PLXNC1: variants seen among roughly 807,000 people sequenced by gnomAD.
PLXNC1 encodes the protein plexin C1, also known as plexin-C1.
In PLXNC1, 75 loss-of-function variants were observed where a neutral mutation model predicts 178.2. That is an observed-to-expected ratio of 0.42 (90% CI 0.35 to 0.51). The LOEUF is 0.51. Among genes scored for constraint, PLXNC1 ranks in the 20% least tolerant of loss-of-function variants. PLXNC1 has a pLI of 0.02. For missense variants in PLXNC1, 1,503 were observed against 1,984.4 expected, an observed-to-expected ratio of 0.76 and a Z score of 4.61; for synonymous variants, 790 against 779.9, an observed-to-expected ratio of 1.01 and a Z score of -0.22.
chr12:94,187,964 G>A (rs953690367), intron 4 of PLXNC1, among the ~76,000 whole-genome samples: 2 of 152,066 alleles, frequency 1.3e-5, no homozygotes, highest in Non-Finnish European at 2.9e-5. Flanking sequence ...TGGGGAGAAG[G>A]AGGGGAAACA....
At chr12:94,212,485 C>A (rs2136006500) in intron 5 of PLXNC1, among the ~76,000 whole-genome samples, 1 of 150,650 alleles carries the variant, frequency 6.6e-6, no homozygotes, top group South Asian at 2.1e-4. Context: ...AGCCCCCCAC[C>A]CCCCGGCAGG....
intron 9 of PLXNC1, among the ~76,000 whole-genome samples, chr12:94,237,189 T>C (rs1360660803): frequency 6.6e-6 from 1 of 152,224 alleles, no homozygotes; most frequent in Admixed American, 6.5e-5. Context: ...TGGATTCAAA[T>C]AGCCTCACTG....
At chr12:94,280,183 T>C (rs1305321430) in intron 22 of PLXNC1, 1 of 220,222 alleles carries the variant, frequency 4.5e-6, no homozygotes, top group Non-Finnish European at 9.2e-6. Flanking sequence ...TATGAATTCA[T>C]TTTCGGGCTC....
In PLXNC1 at chr12:94,156,564, T is replaced by G. The variant is rs1161009612; in HGVS notation, c.1062+6531T>G. 2.0e-5 allele frequency among the ~76,000 whole-genome samples: 3 copies of G among 150,384 alleles called. No individual in the cohort carries two copies. In the Admixed American group the frequency reaches 2.0e-4, roughly 10 times the overall value. The stretch of plus-strand genomic sequence containing the variant: ...ACAATCTCGGCTCACTGCAACTACC[T>G]CCTCCTGGATTCAAGCGATTCTCCT... On this transcript the variant is annotated intron_variant, in intron 1 of 30. Transcript: ENST00000258526.
intron 7 of PLXNC1, 132 bp downstream of exon 7, chr12:94,224,447 T>C: frequency 6.0e-6 from 4 of 669,796 alleles, no homozygotes; most frequent in Admixed American, 2.1e-5. Flanking sequence ...CATGGTGTAA[T>C]GGGAGATAGG....
In PLXNC1 at chr12:94,301,683, G is replaced by T. The variant is rs141560812; in HGVS notation, c.4386+626G>T. On this transcript the variant is annotated intron_variant, in intron 28 of 30. Coordinates refer to ENST00000258526, the MANE Select transcript of PLXNC1 (RefSeq NM_005761.3). ...TAATGGATCTTTGAACACTGAGGAG[G>T]AGTTCTTGGGCAGGACTTTAAGAGT... Among the ~76,000 whole-genome samples, 121 of 152,306 alleles carry T rather than the reference G, an allele frequency of 7.9e-4. 1 individual carries two copies. In the East Asian group the frequency reaches 0.022, roughly 28 times the overall value.
chr12:94,181,938 T>G (rs1379291227), intron 3 of PLXNC1, among the ~76,000 whole-genome samples: 2 of 152,148 alleles, frequency 1.3e-5, no homozygotes, highest in African/African-American at 4.8e-5. Context: ...CCAATGGGAC[T>G]GGCTTTGGAA....
chr12:94,187,710 A>T (rs1962568909), intron 4 of PLXNC1, among the ~76,000 whole-genome samples: 1 of 152,148 alleles, frequency 6.6e-6, no homozygotes, highest in Non-Finnish European at 1.5e-5. Context: ...TGTGTACAGG[A>T]GTCAATTCGA....
chr12:94,288,677 C>A (rs1178560047), intron 23 of PLXNC1, among the ~76,000 whole-genome samples: 1 of 152,224 alleles, frequency 6.6e-6, no homozygotes, highest in Admixed American at 6.5e-5. Context: ...CAAGGTTATC[C>A]CTCAAGCCCT....
At chr12:94,221,815 C>T (rs539852901) in intron 6 of PLXNC1, among the ~76,000 whole-genome samples, 24 of 152,274 alleles carry the variant, frequency 1.6e-4, no homozygotes, top group African/African-American at 5.8e-4. Flanking sequence ...TCTCTTAAGC[C>T]TCTTCTATAA....
At chr12:94,171,360 G>T (rs1319894312) in intron 2 of PLXNC1, among the ~76,000 whole-genome samples, 1 of 152,164 alleles carries the variant, frequency 6.6e-6, no homozygotes, top group African/African-American at 2.4e-5. Flanking sequence ...GCTTTTTGTT[G>T]TTTGTTTTGT....
chr12:94,224,192 T>C (rs1364574626), intron 6 of PLXNC1, 36 bp from the exon 7 acceptor site: 7 of 1,193,856 alleles, frequency 5.9e-6, no homozygotes, highest in Admixed American at 1.7e-5. Flanking sequence ...ATAGCAGGAC[T>C]CCACCGTAAA....
chr12:94,254,283 T>G (rs964395065), intron 15 of PLXNC1, among the ~76,000 whole-genome samples: 1 of 152,232 alleles, frequency 6.6e-6, no homozygotes, highest in African/African-American at 2.4e-5. Flanking sequence ...GAGTTCCTTG[T>G]GGCTCGCTCA....
chr12:94,178,496 A>G (rs147159120), intron 2 of PLXNC1, among the ~76,000 whole-genome samples: 4 of 152,294 alleles, frequency 2.6e-5, no homozygotes, highest in African/African-American at 9.6e-5. Flanking sequence ...CTCTTTCCCT[A>G]TACAACTGCT....
At chr12:94,160,112 A>C (rs1961323660) in intron 1 of PLXNC1, among the ~76,000 whole-genome samples, 1 of 152,128 alleles carries the variant, frequency 6.6e-6, no homozygotes, top group African/African-American at 2.4e-5. Flanking sequence ...CCACTCTATA[A>C]ACCTTAGAGT....
intron 2 of PLXNC1, among the ~76,000 whole-genome samples, chr12:94,173,669 C>A (rs577844845): frequency 5.3e-5 from 8 of 152,290 alleles, no homozygotes; most frequent in Middle Eastern, 3.4e-3. Context: ...GCTTCTATCC[C>A]CCAACTAAAC....
intron 21 of PLXNC1, among the ~76,000 whole-genome samples, chr12:94,266,730 G>A (rs1384548342): frequency 6.6e-6 from 1 of 152,198 alleles, no homozygotes; most frequent in Non-Finnish European, 1.5e-5. Context: ...TGGAAATGAT[G>A]GTCATGGTTC....
chr12:94,227,356 T>C, intron 9 of PLXNC1, 121 bp downstream of exon 9: 1 of 597,332 alleles, frequency 1.7e-6, no homozygotes, highest in Non-Finnish European at 3.0e-6. Context: ...CAAAATTCCC[T>C]TTTGTGTCTT....
chr12:94,305,149 A>G, intron 30 of PLXNC1, 32 bp from the exon 31 acceptor site: 1 of 1,410,726 alleles, frequency 7.1e-7, no homozygotes. Context: ...TAAAACCACA[A>G]TATCTAAAAT....
Sources: allele counts gnomAD v4.1 joint callset (sites outside exome capture counted in the v4.1 genomes callset), GRCh38; gene constraint gnomAD v4.1.1; transcripts MANE v1.5; gene names NCBI Gene and HGNC (gene_info 2026-07-23, HGNC 2026-07-21).